Variants in OR5B17 observed in about 807,000 individuals in gnomAD.
The protein encoded by OR5B17 is olfactory receptor 5B17.
For synonymous variants in OR5B17, 150 were observed against 135.8 expected, an observed-to-expected ratio of 1.10 and a Z score of -0.73; for missense variants, 444 against 378.7, an observed-to-expected ratio of 1.17 and a Z score of -1.43.
In OR5B17 at chr11:58,358,131, G is replaced by T. The variant is rs942161606; in HGVS notation, c.939C>A (p.Val313=). 2.6e-6 allele frequency: 4 copies of T among 1,533,616 alleles called. No individual in the cohort carries two copies. The highest frequency in any genetic ancestry group is 1.4e-5 in the African/African-American group (1 of 72,866). Residue 313 remains valine (V), a synonymous_variant, in exon 1 of 1, where the codon GTC becomes GTA. Transcript: ENST00000357377. Reference sequence around the variant, plus strand: ...TTGTGATGATTTTGCATCATTAAAAGACTGAATCTAGAGAATATTTTGCCT... The same window carrying T: ...TTGTGATGATTTTGCATCATTAAAATACTGAATCTAGAGAATATTTTGCCT... ...VEKAKYSLDS[V]F is the part of the protein sequence containing the mutation.
In OR5B17 at chr11:58,358,274, T is replaced by A. The variant is rs745553655; in HGVS notation, c.796A>T (p.Met266Leu). The A allele has an allele frequency of 1.2e-6, 2 of 1,613,908 alleles. No individual in the cohort carries two copies. The highest frequency in any genetic ancestry group is 2.2e-5 in the South Asian group (2 of 91,072). ...MYIRPSSSHS[M>L]DTDKIASVFY... ...ACAGATGCAATTTTGTCTGTGTCCA[T>A]GGAATGACTGGAACTTGGTCGTATG... The change falls in exon 1 of 1, where the codon ATG (methionine) becomes TTG (leucine). Residue 266 changes from methionine (M) to leucine (L), a missense_variant. Met to Leu is a conservative substitution (Grantham distance 15). Coordinates refer to ENST00000357377, the MANE Select transcript of OR5B17 (RefSeq NM_001005489.2).
At position 58,358,997 on chromosome 11, in the gene OR5B17, G is replaced by A. The variant is rs775816196; in HGVS notation, c.73C>T (p.Leu25Phe). The A allele has an allele frequency of 5.6e-6, 9 of 1,612,254 alleles. No homozygotes were observed. The African/African-American group carries it at 9.3e-5, about 17-fold the overall frequency. The change falls in exon 1 of 1, where the codon CTC (leucine) becomes TTC (phenylalanine). Residue 25 changes from leucine (L) to phenylalanine (F), a missense_variant. By Grantham distance (22) the Leu-to-Phe change is conservative. Coordinates refer to ENST00000357377, the MANE Select transcript of OR5B17 (RefSeq NM_001005489.2). ...TAGATGAGGGTAAACATGATAAAGA[G>A]GGGAACCTGTAGTTCTGGGGCATTG... is the stretch of plus-strand genomic sequence containing the variant. ...LTNAPELQVPLFIMFTLIYLI... is the reference protein window; with the variant it reads ...LTNAPELQVPFFIMFTLIYLI...
rs1398887373 is a variant in OR5B17, at chr11:58,358,413, T to C, written c.657A>G (p.Ile219Met). The change falls in exon 1 of 1, where the codon ATA becomes ATG. Residue 219 changes from isoleucine (I) to methionine (M), a missense_variant. Coordinates refer to ENST00000357377, the MANE Select transcript of OR5B17 (RefSeq NM_001005489.2). ...TGTGCCTCTTAAGAATGGTGATCAA[T>C]ATGAACAGATAGGAAATCAAGGTAA... ...LLVTLISYLF[I>M]LITILKRHTG... 1 of 1,613,968 alleles carries C rather than the reference T, an allele frequency of 6.2e-7. No individual in the cohort carries two copies. The highest frequency in any genetic ancestry group is 2.2e-5 in the East Asian group (1 of 44,852).
rs770092223 is a variant in OR5B17 at position 58,358,874 on chromosome 11, GA to G, written c.195del (p.Ala67GlnfsTer14). 6.2e-7 allele frequency: 1 copy of G among 1,614,102 alleles called. No homozygotes were observed. The highest frequency in any genetic ancestry group is 1.1e-5 in the South Asian group (1 of 91,084). ...TPMYFFLSNL[S>X]LAGIGYSSAV... ...GCTGAGGAGTAACCAATGCCTGCAA[GA>G]GACAGGTTACTGAGAAAAAAGTACA... On this transcript the variant is annotated frameshift_variant, in exon 1 of 1. Transcript: ENST00000357377. LOFTEE classifies it low-confidence loss of function (END_TRUNC).
In OR5B17 at chr11:58,358,297, A is replaced by G. The variant is rs1331228357; in HGVS notation, c.773T>C (p.Ile258Thr). The G allele has an allele frequency of 3.1e-6, 5 of 1,613,952 alleles. No individual in the cohort carries two copies. The highest frequency in any genetic ancestry group is 4.2e-6 in the Non-Finnish European group (5 of 1,179,986). ...CATGGAATGACTGGAACTTGGTCGT[A>G]TGTACATGATGATGACAGTTATATA... Reference protein sequence around the residue: ...LFYITVIIMYIRPSSSHSMDT... With the variant: ...LFYITVIIMYTRPSSSHSMDT... Residue 258 changes from isoleucine (I) to threonine (T), a missense_variant, in exon 1 of 1, where the codon ATA (isoleucine) becomes ACA (threonine). Coordinates refer to ENST00000357377, the MANE Select transcript of OR5B17 (RefSeq NM_001005489.2).
chr11:58,358,584 A>G lies in OR5B17; in HGVS notation c.486T>C (p.Phe162=), dbSNP rs1319348184. The G allele has an allele frequency of 6.2e-7, 1 of 1,614,162 alleles. No homozygotes were observed. The highest frequency in any genetic ancestry group is 8.5e-7 in the Non-Finnish European group (1 of 1,180,028). The change falls in exon 1 of 1, where the codon TTT becomes TTC. Residue 162 remains phenylalanine, a synonymous_variant. Coordinates refer to ENST00000357377, the MANE Select transcript of OR5B17 (RefSeq NM_001005489.2). ...CATTGGACATGCAGAAAGAGAGGCG[A>G]AATGTATCTCCAATTTGGATAGAAG... ...LNASIQIGDT[F]RLSFCMSNVI...
chr11:58,358,367 G>T lies in OR5B17; in HGVS notation c.703C>A (p.Pro235Thr), dbSNP rs534111919. ...KRHTGKGYQK[P>T]LSTCGSHLIA... ...AGGTGAGAACCACAGGTAGATAAAG[G>T]CTTCTGGTATCCCTTACCTGTGTGC... The change falls in exon 1 of 1, where the codon CCT (proline) becomes ACT (threonine). Residue 235 changes from proline (P) to threonine (T), a missense_variant. Coordinates refer to ENST00000357377, the MANE Select transcript of OR5B17 (RefSeq NM_001005489.2). 1.9e-6 allele frequency: 3 copies of T among 1,613,332 alleles called. No individual in the cohort carries two copies. The highest frequency in any genetic ancestry group is 2.2e-5 in the South Asian group (2 of 91,048).
rs1565141750 is a variant in OR5B17, at chr11:58,358,325, A to G, written c.745T>C (p.Phe249Leu). Reference protein sequence around the residue: ...CGSHLIAIFLFYITVIIMYIR... With the variant: ...CGSHLIAIFLLYITVIIMYIR... ...TACATGATGATGACAGTTATATAAA[A>G]TAAGAAAATGGCAATGAGGTGAGAA... The change falls in exon 1 of 1, where the codon TTT (phenylalanine) becomes CTT (leucine). Residue 249 changes from phenylalanine to leucine, a missense_variant. Coordinates refer to ENST00000357377, the MANE Select transcript of OR5B17 (RefSeq NM_001005489.2). 6.2e-7 allele frequency: 1 copy of G among 1,613,824 alleles called. No homozygotes were observed. Among genetic ancestry groups the G allele is most frequent in the Admixed American group, 1.7e-5 (1 of 59,964 alleles).
Position 58,358,223 on chromosome 11 carries a change from G to A in OR5B17, c.847C>T (p.Leu283Phe), listed in dbSNP as rs61748315. ...CTCAGGGTATAGACTATAGGACTGA[G>A]CATGGGGATGATCATAGTGTAGAAC... ...SVFYTMIIPM[L>F]SPIVYTLRNK... Residue 283 changes from leucine (L) to phenylalanine (F), a missense_variant, in exon 1 of 1, where the codon CTC becomes TTC. By Grantham distance (22) the Leu-to-Phe change is conservative. Coordinates refer to ENST00000357377, the MANE Select transcript of OR5B17 (RefSeq NM_001005489.2). 3.1e-6 allele frequency: 5 copies of A among 1,613,164 alleles called. 1 individual carries two copies. Among genetic ancestry groups the A allele is most frequent in the South Asian group, 1.1e-5 (1 of 91,062 alleles).
At position 58,358,224 on chromosome 11, in the gene OR5B17, C is replaced by A. The variant is rs561992386; in HGVS notation, c.846G>T (p.Met282Ile). Residue 282 changes from methionine to isoleucine, a missense_variant, in exon 1 of 1, where the codon ATG becomes ATT. By Grantham distance (10) the Met-to-Ile change is conservative. Coordinates refer to ENST00000357377, the MANE Select transcript of OR5B17 (RefSeq NM_001005489.2). ...TCAGGGTATAGACTATAGGACTGAG[C>A]ATGGGGATGATCATAGTGTAGAACA... ...ASVFYTMIIPMLSPIVYTLRN... is the reference protein window; with the variant it reads ...ASVFYTMIIPILSPIVYTLRN... The A allele has an allele frequency of 6.2e-7, 1 of 1,613,696 alleles. No individual in the cohort carries two copies. The highest frequency in any genetic ancestry group is 1.7e-5 in the Admixed American group (1 of 59,998).
In OR5B17 at chr11:58,358,745, C is replaced by T; in HGVS notation, c.325G>A (p.Glu109Lys). The T allele has an allele frequency of 2.5e-6, 4 of 1,614,090 alleles. No homozygotes were observed. The highest frequency in any genetic ancestry group is 3.4e-6 in the Non-Finnish European group (4 of 1,180,024). The change falls in exon 1 of 1, where the codon GAA (glutamate) becomes AAA (lysine). Residue 109 changes from glutamate (E) to lysine (K), a missense_variant. Glu to Lys is a moderately conservative substitution (Grantham distance 56). Coordinates refer to ENST00000357377, the MANE Select transcript of OR5B17 (RefSeq NM_001005489.2). Reference protein sequence around the residue: ...MFFCAVFATVENYLLSSMAYD... With the variant: ...MFFCAVFATVKNYLLSSMAYD... ...GCCATTGAGGACAAGAGGTAATTTT[C>T]CACAGTGGCAAAGACTGCACAAAAG... is the stretch of plus-strand genomic sequence containing the variant.
rs543723177 is a variant in OR5B17 at position 58,358,151 on chromosome 11, T to C, written c.919A>G (p.Lys307Glu). ...NAFMKVVEKA[K>E]YSLDSVF Reference sequence around the variant, plus strand: ...TAAAAGACTGAATCTAGAGAATATTTTGCCTTCTCAACAACCTTCATGAAT... The same window carrying C: ...TAAAAGACTGAATCTAGAGAATATTCTGCCTTCTCAACAACCTTCATGAAT... The change falls in exon 1 of 1, where the codon AAA becomes GAA. Residue 307 changes from lysine (K) to glutamate (E), a missense_variant. Physicochemically the swap from Lys to Glu is moderately conservative, Grantham distance 56. Transcript: ENST00000357377. The C allele has an allele frequency of 6.3e-7, 1 of 1,591,458 alleles. No homozygotes were observed. The highest frequency in any genetic ancestry group is 8.6e-7 in the Non-Finnish European group (1 of 1,167,734).
In OR5B17 at chr11:58,358,788, G is replaced by T. The variant is rs1228904608; in HGVS notation, c.282C>A (p.Ala94=). The T allele has an allele frequency of 1.9e-6, 3 of 1,614,136 alleles. No individual in the cohort carries two copies. In the South Asian group the frequency reaches 3.3e-5, roughly 18 times the overall value. Residue 94 remains alanine, a synonymous_variant, in exon 1 of 1, where the codon GCC becomes GCA. Transcript: ENST00000357377. ...CACAAAAGAACATCTGAGCAGCACAGGCACTGTAGGAGATGGCTTTGTCTT... is the reference window on the plus strand; with the variant it reads ...CACAAAAGAACATCTGAGCAGCACATGCACTGTAGGAGATGGCTTTGTCTT... ...LIEDKAISYS[A]CAAQMFFCAV...
rs200982548 is a variant in OR5B17, at chr11:58,358,295, G to T, written c.775C>A (p.Arg259=). Reference sequence around the variant, plus strand: ...TCCATGGAATGACTGGAACTTGGTCGTATGTACATGATGATGACAGTTATA... The same window carrying T: ...TCCATGGAATGACTGGAACTTGGTCTTATGTACATGATGATGACAGTTATA... ...FYITVIIMYI[R]PSSSHSMDTD... The change falls in exon 1 of 1, where the codon CGA becomes AGA. Residue 259 remains arginine (R), a synonymous_variant. Coordinates refer to ENST00000357377, the MANE Select transcript of OR5B17 (RefSeq NM_001005489.2). The T allele has an allele frequency of 1.9e-6, 3 of 1,613,972 alleles. No individual in the cohort carries two copies. The highest frequency in any genetic ancestry group is 1.7e-4 in the Middle Eastern group (1 of 6,054).
At position 58,358,171 on chromosome 11, in the gene OR5B17, A is replaced by G. The variant is rs777727169; in HGVS notation, c.899T>C (p.Met300Thr). The G allele has an allele frequency of 6.2e-7, 1 of 1,606,450 alleles. No individual in the cohort carries two copies. Among genetic ancestry groups the G allele is most frequent in the South Asian group, 1.1e-5 (1 of 89,116 alleles). The part of the protein sequence containing the change: ...LRNKDVKNAF[M>T]KVVEKAKYSL... ...ATATTTTGCCTTCTCAACAACCTTC[A>G]TGAATGCATTCTTCACGTCTTTGTT... The change falls in exon 1 of 1, where the codon ATG (methionine) becomes ACG (threonine). Residue 300 changes from methionine (M) to threonine (T), a missense_variant. By Grantham distance (81) the Met-to-Thr change is moderately conservative (BLOSUM62 -1). Transcript: ENST00000357377.
Position 58,358,261 on chromosome 11 carries a change from TTGTC to T in OR5B17, c.805_808del (p.Asp269LysfsTer9). ...CATAGTGTAGAACACAGATGCAATT[TTGTC>T]TGTGTCCATGGAATGACTGGAACTT... is the stretch of plus-strand genomic sequence containing the variant. On this transcript the variant is annotated frameshift_variant, in exon 1 of 1. Coordinates refer to ENST00000357377, the MANE Select transcript of OR5B17 (RefSeq NM_001005489.2). LOFTEE classifies it low-confidence loss of function (END_TRUNC). The T allele has an allele frequency of 1.2e-6, 2 of 1,613,164 alleles. No homozygotes were observed. Among genetic ancestry groups the T allele is most frequent in the East Asian group, 4.5e-5 (2 of 44,860 alleles).
rs1454326700 is a variant in OR5B17 at position 58,358,286 on chromosome 11, A to T, written c.784T>A (p.Ser262Thr). The T allele has an allele frequency of 6.2e-7, 1 of 1,614,034 alleles. No homozygotes were observed. Among genetic ancestry groups the T allele is most frequent in the Admixed American group, 1.7e-5 (1 of 60,004 alleles). ...TVIIMYIRPS[S>T]SHSMDTDKIA... is the part of the protein sequence containing the mutation. ...TTGTCTGTGTCCATGGAATGACTGGAACTTGGTCGTATGTACATGATGATG... is the reference window on the plus strand; with the variant it reads ...TTGTCTGTGTCCATGGAATGACTGGTACTTGGTCGTATGTACATGATGATG... Residue 262 changes from serine to threonine, a missense_variant, in exon 1 of 1, where the codon TCC (serine) becomes ACC (threonine). Ser to Thr is a moderately conservative substitution (Grantham distance 58). Transcript: ENST00000357377.
At position 58,358,930 on chromosome 11, in the gene OR5B17, A is replaced by C. The variant is rs760897267; in HGVS notation, c.140T>G (p.Ile47Ser). ...LTGNLGMIIL[I>S]LLDSHLHTPM... ...AGTGTGGAGATGAGAGTCCAGCAGG[A>C]TTAATATGATCATCCCCAGGTTCCC... Residue 47 changes from isoleucine (I) to serine (S), a missense_variant, in exon 1 of 1, where the codon ATC (isoleucine) becomes AGC (serine). Transcript: ENST00000357377. 1.2e-6 allele frequency: 2 copies of C among 1,614,068 alleles called. No homozygotes were observed. The highest frequency in any genetic ancestry group is 1.7e-6 in the Non-Finnish European group (2 of 1,179,974).
Position 58,359,012 on chromosome 11 carries a change from C to T in OR5B17, c.58G>A (p.Glu20Lys), listed in dbSNP as rs762207735. 1.2e-6 allele frequency: 2 copies of T among 1,610,442 alleles called. No homozygotes were observed. Among genetic ancestry groups the T allele is most frequent in the Non-Finnish European group, 1.7e-6 (2 of 1,179,702 alleles). The change falls in exon 1 of 1, where the codon GAA becomes AAA. Residue 20 changes from glutamate (E) to lysine (K), a missense_variant. Coordinates refer to ENST00000357377, the MANE Select transcript of OR5B17 (RefSeq NM_001005489.2). ...FILLGLTNAP[E>K]LQVPLFIMFT... ...ATGATAAAGAGGGGAACCTGTAGTT[C>T]TGGGGCATTGGTTAGACCAAGCAGG...
Sources: allele counts gnomAD v4.1 joint callset, GRCh38; gene constraint gnomAD v4.1.1; transcripts MANE v1.5; gene names NCBI Gene and HGNC (gene_info 2026-07-23, HGNC 2026-07-21).